Variants in ACAA1 observed in about 807,000 individuals in gnomAD.
ACAA1 encodes acetyl-CoA acyltransferase 1.
In ACAA1, 44 loss-of-function variants were observed where a neutral mutation model predicts 48.8. That is an observed-to-expected ratio of 0.90 (90% CI 0.71 to 1.16). The LOEUF is 1.16. ACAA1 is among the 50% of genes most tolerant of loss of function. The pLI is 0.00. For synonymous variants in ACAA1, 233 were observed against 226.5 expected (o/e 1.03, Z -0.26); for missense variants, 512 against 562.3 (o/e 0.91, Z 0.90).
chr3:38,126,303 G>A lies in ACAA1; in HGVS notation c.856C>T (p.Leu286=), dbSNP rs1700681329. The A allele has an allele frequency of 6.2e-7, 1 of 1,614,142 alleles. No homozygotes were observed. The highest frequency in any genetic ancestry group is 1.1e-5 in the South Asian group (1 of 91,092). The change falls in exon 9 of 12, where the codon CTG becomes TTG. Residue 286 remains leucine (L), a synonymous_variant. Transcript: ENST00000333167. This position sits in a 1 kb window ranked among gnomAD's most constrained non-coding sequence, Gnocchi z 4.7. ...SQVSDGAAAI[L]LARRSKAEEL... is the part of the protein sequence containing the mutation. ...TCTGCCTTGGACCTCCGGGCCAGCA[G>A]GATGGCAGCTGCCCCATCACTCACC...
rs1402190768 is a variant in ACAA1 at position 38,129,742 on chromosome 3, C to T, written c.447-354G>A. 6.6e-6 allele frequency among the ~76,000 whole-genome samples: 1 copy of T among 152,234 alleles called. No homozygotes were observed. The highest frequency in any genetic ancestry group is 1.5e-5 in the Non-Finnish European group (1 of 68,034). On this transcript the variant is annotated intron_variant, in intron 5 of 11. Transcript: ENST00000333167. The surrounding 1 kb of genome is among the most constrained non-coding windows in gnomAD (Gnocchi z 5.3). The stretch of plus-strand genomic sequence containing the variant: ...ACACATCCACAAGCCAGGGCCTGCC[C>T]TCAGGGCCCACAAATTCAGAAGGGA...
Position 38,126,375 on chromosome 3 carries a change from G to C in ACAA1, c.818-34C>G, listed in dbSNP as rs767452389. ...AAACTGTTGGGGTAAGAAGGCATCGGGGTGGGGATGAGGAGATCCCAGCCC... is the reference window on the plus strand; with the variant it reads ...AAACTGTTGGGGTAAGAAGGCATCGCGGTGGGGATGAGGAGATCCCAGCCC... On this transcript the variant is annotated intron_variant, in intron 8 of 11. Coordinates refer to ENST00000333167, the MANE Select transcript of ACAA1 (RefSeq NM_001607.4). This position sits in a 1 kb window ranked among gnomAD's most constrained non-coding sequence, Gnocchi z 4.7. The C allele has an allele frequency of 3.1e-6, 5 of 1,608,466 alleles. No individual in the cohort carries two copies. In the South Asian group the frequency reaches 4.4e-5, roughly 14 times the overall value.
intron 2 of ACAA1, among the ~76,000 whole-genome samples, chr3:38,134,985 C>G (rs144640973): frequency 8.7e-4 from 131 of 151,164 alleles, no homozygotes; most frequent in Non-Finnish European, 1.2e-3. Flanking sequence ...GGTGTAAAGC[C>G]GACTATTGGT....
intron 4 of ACAA1, 40 bp downstream of exon 4, chr3:38,131,886 A>G (rs2125769321): frequency 6.3e-7 from 1 of 1,576,726 alleles, no homozygotes; most frequent in Non-Finnish European, 8.7e-7. Context: ...ACCCAAACCC[A>G]CAGGTCCAGG....
Position 38,126,584 on chromosome 3 carries a change from A to G in ACAA1, c.743T>C (p.Ile248Thr). 1.9e-6 allele frequency: 3 copies of G among 1,614,122 alleles called. No individual in the cohort carries two copies. Among genetic ancestry groups the G allele is most frequent in the South Asian group, 2.2e-5 (2 of 91,082 alleles). ...RSITVTQDEG[I>T]RPSTTMEGLA... is the part of the protein sequence containing the mutation. ...GCCCTCCATGGTGGTGCTGGGGCGG[A>G]TACCCTCATCCTGGGTCACAGTGAT... Residue 248 changes from isoleucine (I) to threonine (T), a missense_variant, in exon 8 of 12, where the codon ATC becomes ACC. Coordinates refer to ENST00000333167, the MANE Select transcript of ACAA1 (RefSeq NM_001607.4). The surrounding 1 kb of genome is among the most constrained non-coding windows in gnomAD (Gnocchi z 4.7).
chr3:38,132,063 G>A, intron 3 of ACAA1, 58 bp from the exon 4 acceptor site: 1 of 1,505,278 alleles, frequency 6.6e-7, no homozygotes, highest in Non-Finnish European at 9.2e-7. Context: ...GGCTCTCATG[G>A]AAAGCAGTCC....
rs767348020 is a variant in ACAA1, at chr3:38,127,865, T to C, written c.547A>G (p.Ile183Val). 4.3e-6 allele frequency: 7 copies of C among 1,614,110 alleles called. No individual in the cohort carries two copies. The highest frequency in any genetic ancestry group is 5.9e-6 in the Non-Finnish European group (7 of 1,180,008). Reference protein sequence around the residue: ...KARDCLIPMGITSENVAERFG... With the variant: ...KARDCLIPMGVTSENVAERFG... Reference sequence around the variant, plus strand: ...CGCTCAGCCACATTCTCAGAGGTTATCCTAGAACACAAACAGCAGATAGTG... The same window carrying C: ...CGCTCAGCCACATTCTCAGAGGTTACCCTAGAACACAAACAGCAGATAGTG... The change falls in exon 7 of 12, where the codon ATA (isoleucine) becomes GTA (valine). Residue 183 changes from isoleucine (I) to valine (V), a missense_variant and splice_region_variant. Transcript: ENST00000333167.
intron 6 of ACAA1, among the ~76,000 whole-genome samples, chr3:38,128,464 G>A (rs936212733): frequency 2.0e-5 from 3 of 152,318 alleles, no homozygotes; most frequent in South Asian, 4.1e-4. Context: ...AAGAAGCCAT[G>A]GCACTGCCCC....
rs1191192292 is a variant in ACAA1 at position 38,126,503 on chromosome 3, G to A, written c.817+7C>T. ...TTTCTCATACCCCTACCCCGGACCA[G>A]TCTCACCAGCTGTGGTAGAACCATC... On this transcript the variant is annotated splice_region_variant and intron_variant, in intron 8 of 11. Transcript: ENST00000333167. The surrounding 1 kb of genome is among the most constrained non-coding windows in gnomAD (Gnocchi z 4.7). The A allele has an allele frequency of 6.2e-7, 1 of 1,614,210 alleles. No homozygotes were observed. Among genetic ancestry groups the A allele is most frequent in the Admixed American group, 1.7e-5 (1 of 60,028 alleles).
Position 38,133,989 on chromosome 3 carries a change from C to A in ACAA1, c.286G>T (p.Ala96Ser). 1 of 1,613,966 alleles carries A rather than the reference C, an allele frequency of 6.2e-7. No individual in the cohort carries two copies. The change falls in exon 3 of 12, where the codon GCC becomes TCC. Residue 96 changes from alanine to serine, a missense_variant. Transcript: ENST00000333167. ...ICVGNVLQPGAGAIMARIAQF... is the reference protein window; with the variant it reads ...ICVGNVLQPGSGAIMARIAQF... ...GCGATTCGGGCCATGATTGCCCCGG[C>A]CCCAGGCTGCAGCACATTTCCTGTG...
At chr3:38,133,657 A>G (rs1364103557) in intron 3 of ACAA1, 16 of 433,464 alleles carry the variant, frequency 3.7e-5, no homozygotes, top group Non-Finnish European at 4.6e-5. Context: ...TTGATTACTC[A>G]CCTGACAAAT....
chr3:38,130,908 C>T (rs916525974), intron 5 of ACAA1, among the ~76,000 whole-genome samples: 3 of 152,224 alleles, frequency 2.0e-5, no homozygotes, highest in Non-Finnish European at 4.4e-5. Flanking sequence ...AACCCTGGGG[C>T]TGCTCACCTC....
chr3:38,132,182 G>A (rs1484008914), intron 3 of ACAA1, 177 bp from the exon 4 acceptor site: 7 of 498,536 alleles, frequency 1.4e-5, no homozygotes, highest in Non-Finnish European at 2.6e-5. Context: ...GCAGCTACTG[G>A]GCAGACCCCA....
At chr3:38,125,979 C>T in intron 9 of ACAA1, 98 bp from the exon 10 acceptor site, 3 of 1,571,492 alleles carry the variant, frequency 1.9e-6, no homozygotes, top group Non-Finnish European at 8.7e-7. Flanking sequence ...GTGTGTGTCT[C>T]TTCCAGAAGG....
Position 38,131,223 on chromosome 3 carries a change from TC to T in ACAA1, c.446+372del, listed in dbSNP as rs376954345. 1.1e-4 allele frequency among the ~76,000 whole-genome samples: 17 copies of T among 152,272 alleles called. No individual in the cohort carries two copies. The South Asian group carries it at 2.1e-3, about 19-fold the overall frequency. Reference sequence around the variant, plus strand: ...CAAACTAGTTATACAGTAGGCGCTGTCCCTGGCTTTAGGGAACCCAAACTGC... The same window carrying T: ...CAAACTAGTTATACAGTAGGCGCTGTCCTGGCTTTAGGGAACCCAAACTGC... On this transcript the variant is annotated intron_variant, in intron 5 of 11. Transcript: ENST00000333167.
In ACAA1 at chr3:38,136,572, G is replaced by A; in HGVS notation, c.265+20C>T. 3 of 1,613,570 alleles carry A rather than the reference G, an allele frequency of 1.9e-6. No homozygotes were observed. The highest frequency in any genetic ancestry group is 2.5e-6 in the Non-Finnish European group (3 of 1,179,726). ...GAAGAACGGGGAAGGCCCAGCGCAG[G>A]GCCTGAGTGGTTCGCTCACCGACAC... On this transcript the variant is annotated intron_variant, in intron 2 of 11. Transcript: ENST00000333167.
chr3:38,127,817 G>T lies in ACAA1; in HGVS notation c.595C>A (p.Gln199Lys), dbSNP rs1273986265. ...AERFGISREK[Q>K]DTFALASQQK... ...TGGGAAGCCAGGGCAAAGGTATCCT[G>T]CTTCTCCCGTGAAATGCCAAACCGC... The change falls in exon 7 of 12, where the codon CAG (glutamine) becomes AAG (lysine). Residue 199 changes from glutamine (Q) to lysine (K), a missense_variant. Transcript: ENST00000333167. 3.1e-6 allele frequency: 5 copies of T among 1,614,066 alleles called. No homozygotes were observed. In the East Asian group the frequency reaches 1.1e-4, roughly 36 times the overall value.
At chr3:38,136,777 C>G in intron 1 of ACAA1, 88 bp downstream of exon 1, 5 of 1,484,894 alleles carry the variant, frequency 3.4e-6, no homozygotes, top group Non-Finnish European at 4.5e-6. Context: ...GAGCTGCCTC[C>G]GGCGTCCAGG....
At chr3:38,134,827 C>G (rs1301739323) in intron 2 of ACAA1, among the ~76,000 whole-genome samples, 2 of 152,198 alleles carry the variant, frequency 1.3e-5, no homozygotes, top group African/African-American at 2.4e-5. Context: ...AGGTTTCCCC[C>G]CACTGAGACA....
Sources: gnomAD v4.1 joint callset for allele counts (sites outside exome capture counted in the v4.1 genomes callset) on GRCh38, gnomAD v4.1.1 for gene constraint, Gnocchi (gnomAD v3.1) non-coding constraint, MANE v1.5 for transcripts, NCBI Gene and HGNC (gene_info 2026-07-23, HGNC 2026-07-21) for gene names.